The following ETV1 variants were observed in gnomAD, a reference collection of about 807,000 sequenced individuals.
The protein encoded by ETV1 is ETS translocation variant 1.
A neutral mutation model predicts 62.3 loss-of-function variants in ETV1; 27 were observed. The observed-to-expected ratio is 0.43, with a 90% CI of 0.32 to 0.60. ETV1 has a LOEUF of 0.60. Ranked by LOEUF, ETV1 falls within the 20% of genes least tolerant of loss-of-function variation. The pLI is 0.06. For synonymous variants in ETV1, 222 were observed against 199.6 expected, an observed-to-expected ratio of 1.11 and a Z score of -0.94; for missense variants, 605 against 605.8, an observed-to-expected ratio of 1.00 and a Z score of 0.01.
intron 6 of ETV1, among the ~76,000 whole-genome samples, chr7:13,956,778 A>G (rs1789513341): frequency 6.6e-6 from 1 of 152,222 alleles, no homozygotes; most frequent in African/African-American, 2.4e-5. Flanking sequence ...TATGTTATAC[A>G]TAATATACAG....
chr7:13,948,983 A>C (rs945474660), intron 6 of ETV1, among the ~76,000 whole-genome samples: 1 of 152,194 alleles, frequency 6.6e-6, no homozygotes, highest in Non-Finnish European at 1.5e-5. Flanking sequence ...ATTGAGACTA[A>C]AACTACAAAT....
At chr7:13,946,866 G>A (rs1036850463) in intron 6 of ETV1, among the ~76,000 whole-genome samples, 1 of 151,958 alleles carries the variant, frequency 6.6e-6, no homozygotes, top group Non-Finnish European at 1.5e-5. Context: ...TCAGCTCACC[G>A]CAACCCCTGC....
At chr7:13,899,558 T>G (rs758840254) in intron 13 of ETV1, among the ~76,000 whole-genome samples, 6 of 152,152 alleles carry the variant, frequency 3.9e-5, no homozygotes, top group Non-Finnish European at 8.8e-5. Flanking sequence ...AAAACTATGG[T>G]GACATAAAAA....
intron 5 of ETV1, among the ~76,000 whole-genome samples, chr7:13,979,793 A>T (rs1781808298): frequency 6.6e-6 from 1 of 152,130 alleles, no homozygotes; most frequent in Non-Finnish European, 1.5e-5. Flanking sequence ...ACAAAAGTAT[A>T]CTTGTAACTG....
At chr7:13,930,919 G>A (rs1452882134) in intron 9 of ETV1, among the ~76,000 whole-genome samples, 11 of 151,644 alleles carry the variant, frequency 7.3e-5, no homozygotes, top group Non-Finnish European at 2.9e-5. Context: ...TCTTGCCTCA[G>A]CCTCCCGAGT....
intron 9 of ETV1, among the ~76,000 whole-genome samples, chr7:13,916,616 C>T (rs533013852): frequency 6.6e-6 from 1 of 152,072 alleles, no homozygotes; most frequent in South Asian, 2.1e-4. Context: ...CCAGCTGTGA[C>T]AGAGTGAGAC....
At chr7:13,939,321 C>G in intron 6 of ETV1, 75 bp from the exon 7 acceptor site, 1 of 1,310,824 alleles carries the variant, frequency 7.6e-7, no homozygotes, top group Non-Finnish European at 1.0e-6. Flanking sequence ...TTCTACTTCT[C>G]TTGTTAAAAA....
intron 9 of ETV1, among the ~76,000 whole-genome samples, chr7:13,929,499 C>T (rs911058181): frequency 6.6e-5 from 10 of 152,078 alleles, no homozygotes; most frequent in Non-Finnish European, 1.5e-4. Flanking sequence ...AGAGCTAGTA[C>T]CCAGTCTTCA....
intron 12 of ETV1, among the ~76,000 whole-genome samples, chr7:13,905,124 A>C (rs569514506): frequency 1.3e-5 from 2 of 151,984 alleles, no homozygotes; most frequent in East Asian, 3.9e-4. Flanking sequence ...TCATACTTTC[A>C]GTACATTCTC....
At chr7:13,924,514 G>C (rs1013317632) in intron 9 of ETV1, among the ~76,000 whole-genome samples, 1 of 152,116 alleles carries the variant, frequency 6.6e-6, no homozygotes, top group African/African-American at 2.4e-5. Context: ...CTAACATTTA[G>C]AGTAAAATGT....
chr7:13,921,176 A>G (rs1196155492), intron 9 of ETV1, among the ~76,000 whole-genome samples: 1 of 152,194 alleles, frequency 6.6e-6, no homozygotes, highest in African/African-American at 2.4e-5. Flanking sequence ...GCCATGTTTC[A>G]GGAGAAAATG....
chr7:13,959,865 A>G (rs1175322616), intron 6 of ETV1, among the ~76,000 whole-genome samples: 1 of 141,040 alleles, frequency 7.1e-6, no homozygotes, highest in African/African-American at 2.6e-5. Flanking sequence ...CCTGGGCAAC[A>G]GAGTGAGATT....
intron 6 of ETV1, among the ~76,000 whole-genome samples, chr7:13,962,479 T>C (rs968225433): frequency 6.6e-6 from 1 of 152,048 alleles, no homozygotes; most frequent in African/African-American, 2.4e-5. Context: ...CAGCATGAAA[T>C]AATATAAAAA....
At chr7:13,909,833 A>G (rs1479163117) in intron 10 of ETV1, 133 bp from the exon 11 acceptor site, 2 of 725,288 alleles carry the variant, frequency 2.8e-6, no homozygotes, top group African/African-American at 3.6e-5. Context: ...TGAGCCCTGG[A>G]CACATTATTT....
At chr7:13,940,911 A>T (rs189697865) in intron 6 of ETV1, among the ~76,000 whole-genome samples, 7 of 152,314 alleles carry the variant, frequency 4.6e-5, no homozygotes, top group Middle Eastern at 3.4e-3. Flanking sequence ...CTAGAAAACA[A>T]ATTTGCCAAA....
chr7:13,940,184 G>A (rs1161505689), intron 6 of ETV1, among the ~76,000 whole-genome samples: 2 of 152,072 alleles, frequency 1.3e-5, no homozygotes, highest in Non-Finnish European at 2.9e-5. Flanking sequence ...GCAACATGGT[G>A]AAACCCTGTC....
chr7:13,929,753 G>A (rs1485826288), intron 9 of ETV1, among the ~76,000 whole-genome samples: 1 of 152,180 alleles, frequency 6.6e-6, no homozygotes, highest in Non-Finnish European at 1.5e-5. Flanking sequence ...AGAATTCATA[G>A]GTTTTGGGGA....
intron 9 of ETV1, among the ~76,000 whole-genome samples, chr7:13,917,293 T>A (rs1583619786): frequency 1.1e-5 from 1 of 91,072 alleles, no homozygotes; most frequent in East Asian, 2.5e-4. Flanking sequence ...TTTGAGTATT[T>A]ATTTATTTAT....
At chr7:13,961,654 G>A (rs1318573023) in intron 6 of ETV1, among the ~76,000 whole-genome samples, 1 of 151,948 alleles carries the variant, frequency 6.6e-6, no homozygotes, top group South Asian at 2.1e-4. Flanking sequence ...GAGGATAGAA[G>A]CAATTTTGTT....
Sources: allele counts gnomAD v4.1 joint callset (sites outside exome capture counted in the v4.1 genomes callset), GRCh38; gene constraint gnomAD v4.1.1; transcripts MANE v1.5; gene names NCBI Gene and HGNC (gene_info 2026-07-23, HGNC 2026-07-21).